Variants in ST6GALNAC3 observed in about 807,000 individuals in gnomAD.
ST6GALNAC3 encodes ST6 N-acetylgalactosaminide alpha-2,6-sialyltransferase 3.
ST6GALNAC3 carries 25 observed loss-of-function variants against 32.7 expected under a neutral mutation model. The ratio of observed to expected loss-of-function variants is 0.76; its 90% confidence interval spans 0.56 to 1.07. ST6GALNAC3 has a LOEUF of 1.07. Ranked by LOEUF, ST6GALNAC3 falls within the 50% of genes least tolerant of loss-of-function variation. ST6GALNAC3 has a pLI of 0.00. For missense variants in ST6GALNAC3, 355 were observed against 382.4 expected (o/e 0.93, Z 0.60); for synonymous variants, 129 against 133.1 (o/e 0.97, Z 0.21).
chr1:76,151,023 C>G (rs1651006020), intron 1 of ST6GALNAC3, among the ~76,000 whole-genome samples: 1 of 152,216 alleles, frequency 6.6e-6, no homozygotes, highest in Admixed American at 6.5e-5. Context: ...AAGTCTTCCA[C>G]TCAGCCTGCT....
chr1:76,360,263 A>G lies in ST6GALNAC3; in HGVS notation c.213+46264A>G, dbSNP rs76332501. On this transcript the variant is annotated intron_variant, in intron 2 of 4. Coordinates refer to ENST00000328299, the MANE Select transcript of ST6GALNAC3 (RefSeq NM_152996.4). ...GCAGGGTCTAAATGTCCATAAGTCTACAACTTCAGCCTGTTTATCCTTCTT... is the reference window on the plus strand; with the variant it reads ...GCAGGGTCTAAATGTCCATAAGTCTGCAACTTCAGCCTGTTTATCCTTCTT... Among the ~76,000 whole-genome samples, 847 of 152,268 alleles carry G rather than the reference A, an allele frequency of 5.6e-3. 5 individuals carry two copies. Among genetic ancestry groups the G allele is most frequent in the African/African-American group, 0.019 (795 of 41,562 alleles).
chr1:76,216,675 T>C (rs1655482523), intron 1 of ST6GALNAC3, among the ~76,000 whole-genome samples: 2 of 152,208 alleles, frequency 1.3e-5, no homozygotes, highest in Non-Finnish European at 2.9e-5. Flanking sequence ...TATTCATTGG[T>C]CAGCAGTTTC....
intron 2 of ST6GALNAC3, among the ~76,000 whole-genome samples, chr1:76,385,335 C>T (rs114102265): frequency 0.01 from 1,575 of 152,166 alleles, 10 homozygotes; most frequent in Admixed American, 0.019. Flanking sequence ...GATATAACCA[C>T]TTATAGTAAT....
intron 3 of ST6GALNAC3, among the ~76,000 whole-genome samples, chr1:76,419,344 T>A (rs1331526004): frequency 1.3e-5 from 2 of 152,136 alleles, no homozygotes; most frequent in Non-Finnish European, 2.9e-5. Flanking sequence ...GTTCTCTAGA[T>A]GTAGTGGCTT....
intron 2 of ST6GALNAC3, among the ~76,000 whole-genome samples, chr1:76,321,411 C>T (rs1431714297): frequency 6.6e-6 from 1 of 152,142 alleles, no homozygotes; most frequent in African/African-American, 2.4e-5. Flanking sequence ...CCCCTCCCAT[C>T]CCCCATGGTT....
At chr1:76,536,465 A>G (rs1663605547) in intron 3 of ST6GALNAC3, among the ~76,000 whole-genome samples, 1 of 152,056 alleles carries the variant, frequency 6.6e-6, no homozygotes, top group African/African-American at 2.4e-5. Flanking sequence ...AGCTCCATAT[A>G]AAACCATCAG....
intron 1 of ST6GALNAC3, among the ~76,000 whole-genome samples, chr1:76,125,601 T>C (rs1299201616): frequency 1.3e-5 from 2 of 152,236 alleles, no homozygotes; most frequent in African/African-American, 2.4e-5. Context: ...TTTGTCATCC[T>C]GTTTTAGTAT....
At chr1:76,192,422 G>T (rs1328535350) in intron 1 of ST6GALNAC3, among the ~76,000 whole-genome samples, 2 of 152,164 alleles carry the variant, frequency 1.3e-5, no homozygotes, top group Admixed American at 6.5e-5. Context: ...TGGAAAAAGA[G>T]TTTTTGAAGA....
chr1:76,245,588 A>T (rs1393451439), intron 1 of ST6GALNAC3, among the ~76,000 whole-genome samples: 39 of 152,000 alleles, frequency 2.6e-4, no homozygotes, highest in Admixed American at 2.6e-3. Context: ...TTTCCCTCTT[A>T]ATACTACTTT....
intron 3 of ST6GALNAC3, among the ~76,000 whole-genome samples, chr1:76,448,225 A>G (rs573222490): frequency 1.3e-5 from 2 of 152,178 alleles, no homozygotes; most frequent in African/African-American, 4.8e-5. Flanking sequence ...CCTGCTGGGG[A>G]CTTCCATGGG....
intron 3 of ST6GALNAC3, among the ~76,000 whole-genome samples, chr1:76,573,809 C>G (rs527988396): frequency 6.6e-6 from 1 of 151,954 alleles, no homozygotes; most frequent in East Asian, 1.9e-4. Context: ...TATCCTCTGG[C>G]CTTGTACTTC....
chr1:76,082,488 G>A (rs915652326), intron 1 of ST6GALNAC3, among the ~76,000 whole-genome samples: 1 of 152,176 alleles, frequency 6.6e-6, no homozygotes, highest in African/African-American at 2.4e-5. Context: ...GCTCTGTAAA[G>A]GTTTGTCAGC....
intron 1 of ST6GALNAC3, among the ~76,000 whole-genome samples, chr1:76,085,492 A>C (rs554728660): frequency 6.6e-6 from 1 of 152,340 alleles, no homozygotes; most frequent in East Asian, 1.9e-4. Context: ...ACTGAAGCTT[A>C]GAGAGGCCAA....
intron 3 of ST6GALNAC3, among the ~76,000 whole-genome samples, chr1:76,578,395 T>G (rs547995632): frequency 6.6e-6 from 1 of 152,072 alleles, no homozygotes; most frequent in East Asian, 1.9e-4. Context: ...AAGTTTGGGG[T>G]TTTTGTTTGT....
intron 1 of ST6GALNAC3, among the ~76,000 whole-genome samples, chr1:76,101,692 C>A (rs886389502): frequency 6.6e-6 from 1 of 152,168 alleles, no homozygotes; most frequent in East Asian, 1.9e-4. Flanking sequence ...TGTATTTACA[C>A]AATAGGGTTC....
intron 1 of ST6GALNAC3, among the ~76,000 whole-genome samples, chr1:76,161,126 C>G (rs574909572): frequency 6.6e-6 from 1 of 152,176 alleles, no homozygotes; most frequent in South Asian, 2.1e-4. Context: ...AGTGCTATTG[C>G]CTTTCAGACT....
chr1:76,093,716 A>T (rs1647082504), intron 1 of ST6GALNAC3, among the ~76,000 whole-genome samples: 1 of 152,236 alleles, frequency 6.6e-6, no homozygotes, highest in South Asian at 2.1e-4. Context: ...CAGCTGAGAG[A>T]CAACGCCAGA....
chr1:76,363,341 C>T (rs1650115180), intron 2 of ST6GALNAC3, among the ~76,000 whole-genome samples: 1 of 152,192 alleles, frequency 6.6e-6, no homozygotes, highest in African/African-American at 2.4e-5. Context: ...TTTGCTAAGG[C>T]ATTGCAAAAA....
At chr1:76,413,493 G>A (rs1412840246) in intron 3 of ST6GALNAC3, among the ~76,000 whole-genome samples, 1 of 152,084 alleles carries the variant, frequency 6.6e-6, no homozygotes, top group Non-Finnish European at 1.5e-5. Flanking sequence ...TGAGCTATGT[G>A]CTCAGGGAGG....
Sources: gnomAD v4.1 joint callset for allele counts (sites outside exome capture counted in the v4.1 genomes callset) on GRCh38, gnomAD v4.1.1 for gene constraint, MANE v1.5 for transcripts, NCBI Gene and HGNC (gene_info 2026-07-23, HGNC 2026-07-21) for gene names.